Variants in PCDHGA6 observed in about 807,000 individuals in gnomAD.
The protein encoded by PCDHGA6 is protocadherin gamma-A6.
A neutral mutation model predicts 60.6 loss-of-function variants in PCDHGA6; 41 were observed. That is an observed-to-expected ratio of 0.68 (90% CI 0.53 to 0.88). The LOEUF (loss-of-function observed/expected upper bound fraction) is 0.88, where lower values mean the gene tolerates loss of function less well. PCDHGA6 is among the 40% of genes least tolerant of loss of function. The pLI is 0.00. For synonymous variants in PCDHGA6, 594 were observed against 524.4 expected (o/e 1.13, Z -1.81); for missense variants, 1,312 against 1,203.0 (o/e 1.09, Z -1.34).
intron 1 of PCDHGA6, chr5:141,393,946 A>G (rs1417125080): frequency 4.3e-6 from 7 of 1,613,892 alleles, no homozygotes; most frequent in Non-Finnish European, 4.2e-6. Context: ...GACTCTGGAA[A>G]GAATGGTCAA....
chr5:141,399,776 A>T, intron 1 of PCDHGA6: 1 of 1,613,218 alleles, frequency 6.2e-7, no homozygotes, highest in African/African-American at 1.3e-5. Context: ...TTGGTGGGCG[A>T]CCGAAACGAC....
rs748950800 is a variant in PCDHGA6, at chr5:141,476,983, C to T, written c.2425-17824C>T. ...ACTCCTTCGGCAGCCACAACCGCGC[C>T]GGCGTGCGGCAACTATTCGCCTTAG... On this transcript the variant is annotated intron_variant, in intron 1 of 3. Transcript: ENST00000517434. The surrounding 1 kb of genome is among the most constrained non-coding windows in gnomAD (Gnocchi z 7.6). 12 of 1,614,096 alleles carry T rather than the reference C, an allele frequency of 7.4e-6. No individual in the cohort carries two copies. The highest frequency in any genetic ancestry group is 8.5e-7 in the Non-Finnish European group (1 of 1,180,046).
At chr5:141,422,745 C>G (rs1380262961) in intron 1 of PCDHGA6, 15 of 1,610,564 alleles carry the variant, frequency 9.3e-6, no homozygotes, top group Non-Finnish European at 1.3e-5. Flanking sequence ...CCTCCTATGT[C>G]TCTATTAACT....
chr5:141,451,428 G>T (rs552096051), intron 1 of PCDHGA6, among the ~76,000 whole-genome samples: 17 of 152,166 alleles, frequency 1.1e-4, no homozygotes, highest in Non-Finnish European at 2.1e-4. Context: ...TTAGACTAAG[G>T]GTTCCAGTTC....
intron 1 of PCDHGA6, chr5:141,424,031 T>G (rs2096796228): frequency 1.9e-6 from 2 of 1,036,050 alleles, no homozygotes; most frequent in African/African-American, 3.4e-5. Flanking sequence ...AAACACTTTT[T>G]ATTTCCATTT....
At chr5:141,470,038 A>C (rs1256439782) in intron 1 of PCDHGA6, among the ~76,000 whole-genome samples, 1 of 152,204 alleles carries the variant, frequency 6.6e-6, no homozygotes, top group Non-Finnish European at 1.5e-5. Flanking sequence ...CTGAGGCGCG[A>C]GAACTGTTTG....
intron 1 of PCDHGA6, chr5:141,428,279 C>A: frequency 2.7e-6 from 2 of 753,232 alleles, no homozygotes; most frequent in South Asian, 3.0e-5. Context: ...CCCTCTGATT[C>A]CCAAGCAAAG....
chr5:141,386,424 C>A (rs1233589909), intron 1 of PCDHGA6, among the ~76,000 whole-genome samples: 1 of 151,904 alleles, frequency 6.6e-6, no homozygotes, highest in Non-Finnish European at 1.5e-5. Flanking sequence ...AAGCTGTAGC[C>A]CACCTGCATG....
chr5:141,511,419 G>A lies in PCDHGA6; in HGVS notation c.*246G>A, dbSNP rs1437533706. On this transcript the variant is annotated 3_prime_UTR_variant, in exon 4 of 4. Coordinates refer to ENST00000517434, the MANE Select transcript of PCDHGA6 (RefSeq NM_018919.3). Reference sequence around the variant, plus strand: ...ATCCAATCAACTGCTGTACCCATGGGGGTAGTGGGGTTACTGTAGACACCA... The same window carrying A: ...ATCCAATCAACTGCTGTACCCATGGAGGTAGTGGGGTTACTGTAGACACCA... 1.2e-6 allele frequency: 1 copy of A among 830,454 alleles called. No individual in the cohort carries two copies. The highest frequency in any genetic ancestry group is 1.7e-5 in the African/African-American group (1 of 58,076). 51.4% of individuals were successfully genotyped at this position (830,454 alleles called of 1,614,324 possible).
intron 1 of PCDHGA6, among the ~76,000 whole-genome samples, chr5:141,467,320 T>C (rs1593065881): frequency 6.6e-6 from 1 of 152,322 alleles, no homozygotes; most frequent in African/African-American, 2.4e-5. Flanking sequence ...CCCACAGTGC[T>C]GGGATTAGAG....
intron 2 of PCDHGA6, among the ~76,000 whole-genome samples, chr5:141,501,109 C>G (rs909874167): frequency 2.0e-5 from 3 of 152,106 alleles, no homozygotes; most frequent in Non-Finnish European, 4.4e-5. Context: ...CCTCGTGATC[C>G]GCCTGCCTCA....
intron 1 of PCDHGA6, chr5:141,384,258 C>T: frequency 6.2e-7 from 1 of 1,613,896 alleles, no homozygotes; most frequent in Non-Finnish European, 8.5e-7. Flanking sequence ...CCACCTTCCC[C>T]CACTCATCCT....
At chr5:141,510,653 T>G (rs1388568365) in intron 3 of PCDHGA6, among the ~76,000 whole-genome samples, 1 of 152,184 alleles carries the variant, frequency 6.6e-6, no homozygotes, top group Non-Finnish European at 1.5e-5. Context: ...ATCCCCATTT[T>G]GCAGATGAGA....
intron 1 of PCDHGA6, chr5:141,419,427 A>C: frequency 1.2e-6 from 2 of 1,613,290 alleles, no homozygotes; most frequent in Non-Finnish European, 1.7e-6. Context: ...TTCGACCACG[A>C]GCAGCTGCGC....
intron 1 of PCDHGA6, chr5:141,478,647 T>G (rs2099469515): frequency 6.4e-7 from 1 of 1,552,152 alleles, no homozygotes; most frequent in Non-Finnish European, 8.7e-7. Flanking sequence ...GAAGATGTTT[T>G]CCTGGTGATG....
chr5:141,375,144 G>C lies in PCDHGA6; in HGVS notation c.1061G>C (p.Arg354Thr), dbSNP rs747224962. The change falls in exon 1 of 4, where the codon AGA becomes ACA. Residue 354 changes from arginine (R) to threonine (T), a missense_variant. By Grantham distance (71) the Arg-to-Thr change is moderately conservative. Transcript: ENST00000517434. Reference sequence around the variant, plus strand: ...GAAGTGGTTGTTACATCTGGAAGCAGAACAATTGCTGAAAGTGCACCTCCA... The same window carrying C: ...GAAGTGGTTGTTACATCTGGAAGCACAACAATTGCTGAAAGTGCACCTCCA... Reference protein sequence around the residue: ...VPEVVVTSGSRTIAESAPPGT... With the variant: ...VPEVVVTSGSTTIAESAPPGT... 18 of 1,613,936 alleles carry C rather than the reference G, an allele frequency of 1.1e-5. No individual in the cohort carries two copies. The South Asian group carries it at 1.4e-4, about 13-fold the overall frequency.
At chr5:141,414,037 T>C (rs769920301) in intron 1 of PCDHGA6, 2 of 1,611,060 alleles carry the variant, frequency 1.2e-6, no homozygotes, top group Admixed American at 1.7e-5. Context: ...ATTCCGAAAA[T>C]TACCTGACAC....
At chr5:141,399,504 A>G (rs754910149) in intron 1 of PCDHGA6, 3 of 1,614,000 alleles carry the variant, frequency 1.9e-6, no homozygotes, top group Non-Finnish European at 2.5e-6. Context: ...GTGTACCCGA[A>G]AACAACCCTC....
At chr5:141,455,160 GT>G (rs59530096) in intron 1 of PCDHGA6, among the ~76,000 whole-genome samples, 102 of 149,212 alleles carry the variant, frequency 6.8e-4, no homozygotes, top group East Asian at 7.9e-4. Flanking sequence ...TAGTTTGTTG[GT>G]TTTTTTTTTA....
Sources: allele counts gnomAD v4.1 joint callset (sites outside exome capture counted in the v4.1 genomes callset), GRCh38; gene constraint gnomAD v4.1.1; non-coding constraint Gnocchi (gnomAD v3.1); transcripts MANE v1.5; gene names NCBI Gene and HGNC (gene_info 2026-07-23, HGNC 2026-07-21).